NOL4L: variants seen among roughly 807,000 people sequenced by gnomAD.
The protein encoded by NOL4L is nucleolar protein 4-like.
In NOL4L, 7 loss-of-function variants were observed where a neutral mutation model predicts 64.5. The observed-to-expected ratio is 0.11, with a 90% CI of 0.06 to 0.20. The LOEUF is 0.20. Ranked by LOEUF, NOL4L falls within the 10% of genes least tolerant of loss-of-function variation. The probability of loss-of-function intolerance (pLI) is 1.00; values close to 1 mark genes in which losing one functional copy is unlikely to be tolerated. For synonymous variants in NOL4L, 413 were observed against 401.0 expected, an observed-to-expected ratio of 1.03 and a Z score of -0.36; for missense variants, 680 against 967.1, an observed-to-expected ratio of 0.70 and a Z score of 3.94.
intron 5 of NOL4L, 27 bp from the exon 6 acceptor site, chr20:32,456,422 C>T: frequency 6.9e-7 from 1 of 1,445,740 alleles, no homozygotes; most frequent in Non-Finnish European, 9.1e-7. Flanking sequence ...GGGTGTGAGG[C>T]CCCACCCAAG....
intron 6 of NOL4L, among the ~76,000 whole-genome samples, 192 bp downstream of exon 6, chr20:32,455,909 AGGGGGCCTGGCTTGGGG>A (rs1241465686): frequency 2.0e-5 from 3 of 152,168 alleles, no homozygotes; most frequent in Non-Finnish European, 4.4e-5. Context: ...GGCTCGGAGA[AGGGGGCCTGGCTTGGGG>A]GCACACTCCA....
At chr20:32,488,333 A>G (rs1038431845) in intron 4 of NOL4L, among the ~76,000 whole-genome samples, 1 of 152,174 alleles carries the variant, frequency 6.6e-6, no homozygotes, top group African/African-American at 2.4e-5. Context: ...TACCATCGCA[A>G]TGCACAGGGC....
At chr20:32,574,035 T>TCTTCCCA (rs2145622464) in intron 1 of NOL4L, 1 of 152,456 alleles carries the variant, frequency 6.6e-6, no homozygotes, top group African/African-American at 2.4e-5. Context: ...TTTTATGCCA[T>TCTTCCCA]CTTCCCAGCT....
At chr20:32,462,269 G>A (rs1600666514) in intron 5 of NOL4L, among the ~76,000 whole-genome samples, 1 of 152,220 alleles carries the variant, frequency 6.6e-6, no homozygotes, top group East Asian at 1.9e-4. Flanking sequence ...GGTTAGGCCG[G>A]CTAGAGGCAG....
chr20:32,494,820 A>G (rs2016623402), intron 4 of NOL4L, among the ~76,000 whole-genome samples: 1 of 152,218 alleles, frequency 6.6e-6, no homozygotes, highest in South Asian at 2.1e-4. Flanking sequence ...CCAACCCAAC[A>G]TTGCAAATGG....
chr20:32,474,329 T>A (rs975786469), intron 5 of NOL4L, among the ~76,000 whole-genome samples: 2 of 152,226 alleles, frequency 1.3e-5, no homozygotes, highest in African/African-American at 2.4e-5. Flanking sequence ...GCCCATGGCA[T>A]CCCGGCAACC....
intron 1 of NOL4L, among the ~76,000 whole-genome samples, chr20:32,582,475 G>A (rs34627022): frequency 0.31 from 47,079 of 151,794 alleles, 8,368 homozygotes; most frequent in East Asian, 0.75. Context: ...GGGAGGGGGT[G>A]CTCAGCCTCT....
chr20:32,552,558 A>G (rs1159865909), intron 1 of NOL4L, among the ~76,000 whole-genome samples: 3 of 151,990 alleles, frequency 2.0e-5, no homozygotes, highest in Non-Finnish European at 4.4e-5. Context: ...ATGGTGGTGG[A>G]CGCCTGTAAT....
chr20:32,497,458 G>T lies in NOL4L; in HGVS notation c.699+13889C>A, dbSNP rs181277044. On this transcript the variant is annotated intron_variant, in intron 4 of 10. Coordinates refer to ENST00000621426, the MANE Select transcript of NOL4L (RefSeq NM_001256798.2). ...TAGAAGGCTTGACAAAGCCATCAGG[G>T]GTCCCGCATTCAAAATAAAAAGCAA... 4.2e-3 allele frequency among the ~76,000 whole-genome samples: 633 copies of T among 152,210 alleles called. 5 individuals carry two copies. Among genetic ancestry groups the T allele is most frequent in the South Asian group, 0.022 (105 of 4,822 alleles).
At chr20:32,565,689 A>T (rs1202089922) in intron 1 of NOL4L, among the ~76,000 whole-genome samples, 2 of 152,176 alleles carry the variant, frequency 1.3e-5, no homozygotes, top group African/African-American at 4.8e-5. Context: ...AGAAGACTCA[A>T]GTGATAGGAC....
chr20:32,488,896 C>T lies in NOL4L; in HGVS notation c.700-14154G>A, dbSNP rs140843553. Among the ~76,000 whole-genome samples the T allele has an allele frequency of 1.5e-3, 179 of 116,570 alleles. 4 individuals are homozygous for T. In the East Asian group the frequency reaches 0.021, roughly 14 times the overall value. 76.5% of individuals were successfully genotyped at this position (116,570 alleles called of 152,430 possible). The stretch of plus-strand genomic sequence containing the variant: ...CTTTCTTTCTTTCTTTCTTTCTTTC[C>T]TCTCTCTTTCTTTCTTTCTGACTAA... On this transcript the variant is annotated intron_variant, in intron 4 of 10. Transcript: ENST00000621426.
At chr20:32,535,878 G>GTA in intron 1 of NOL4L, 1 of 985,530 alleles carries the variant, frequency 1.0e-6, no homozygotes, top group Non-Finnish European at 1.2e-6. Flanking sequence ...GGAGGGAGGA[G>GTA]TACTGTCCAG....
Position 32,573,339 on chromosome 20 carries a change from A to C in NOL4L, c.321+11231T>G, listed in dbSNP as rs1979884843. Among the ~76,000 whole-genome samples the C allele has an allele frequency of 2.6e-5, 4 of 152,150 alleles. No individual in the cohort carries two copies. In the South Asian group the frequency reaches 8.3e-4, roughly 32 times the overall value. On this transcript the variant is annotated intron_variant, in intron 1 of 10. Transcript: ENST00000621426. ...GCCTGGGTCCATTTTACAGATGAGAAAACTGTGGCTCAGAGAGGGGCAGCA... is the reference window on the plus strand; with the variant it reads ...GCCTGGGTCCATTTTACAGATGAGACAACTGTGGCTCAGAGAGGGGCAGCA...
At chr20:32,455,360 C>A (rs1217759061) in intron 6 of NOL4L, among the ~76,000 whole-genome samples, 1 of 152,238 alleles carries the variant, frequency 6.6e-6, no homozygotes, top group East Asian at 1.9e-4. Flanking sequence ...GCACTGAGCC[C>A]ATGGTACAGA....
In NOL4L at chr20:32,464,246, CG is replaced by C. The variant is rs2014350065; in HGVS notation, c.842-7852del. Among the ~76,000 whole-genome samples, 1 of 152,220 alleles carries C rather than the reference CG, an allele frequency of 6.6e-6. No individual in the cohort carries two copies. Among genetic ancestry groups the C allele is most frequent in the Admixed American group, 6.5e-5 (1 of 15,286 alleles). On this transcript the variant is annotated intron_variant, in intron 5 of 10. Coordinates refer to ENST00000621426, the MANE Select transcript of NOL4L (RefSeq NM_001256798.2). This position sits in a 1 kb window ranked among gnomAD's most constrained non-coding sequence, Gnocchi z 5.6. ...GGCCAGCGCCCAGGCTGTGTTTACACGATGCGTAGTTCCAAGGAGCACCAGG... is the reference window on the plus strand; with the variant it reads ...GGCCAGCGCCCAGGCTGTGTTTACACATGCGTAGTTCCAAGGAGCACCAGG...
intron 5 of NOL4L, among the ~76,000 whole-genome samples, chr20:32,462,126 C>T (rs925017917): frequency 4.6e-5 from 7 of 152,154 alleles, no homozygotes; most frequent in Admixed American, 3.3e-4. Context: ...TTGCTGGGCC[C>T]GTGGTGCAGG....
intron 1 of NOL4L, among the ~76,000 whole-genome samples, chr20:32,538,486 C>G (rs905966356): frequency 6.9e-6 from 1 of 145,728 alleles, no homozygotes; most frequent in Non-Finnish European, 1.5e-5. Flanking sequence ...TCCCTCCCTC[C>G]CTCCCTCCCT....
Position 32,447,212 on chromosome 20 carries a change from A to AAAT in NOL4L, c.*381_*383dup, listed in dbSNP as rs1416581824. ...AAGGGTCCACTTTGCTTTTCTCAATAAATATGCAATTCTGCTCACCTAAGA... is the reference window on the plus strand; with the variant it reads ...AAGGGTCCACTTTGCTTTTCTCAATAAATAATATGCAATTCTGCTCACCTAAGA... On this transcript the variant is annotated 3_prime_UTR_variant, in exon 11 of 11. Transcript: ENST00000621426. The AAAT allele has an allele frequency of 2.1e-6, 1 of 479,626 alleles. No individual in the cohort carries two copies. The highest frequency in any genetic ancestry group is 2.3e-5 in the Admixed American group (1 of 42,676). 29.7% of individuals were successfully genotyped at this position (479,626 alleles called of 1,614,324 possible).
At chr20:32,486,188 G>A (rs1340440249) in intron 4 of NOL4L, among the ~76,000 whole-genome samples, 3 of 152,190 alleles carry the variant, frequency 2.0e-5, no homozygotes, top group East Asian at 1.9e-4. Context: ...TACAGGAGCT[G>A]CCACTCCTGG....
Sources: allele counts gnomAD v4.1 joint callset (sites outside exome capture counted in the v4.1 genomes callset), GRCh38; gene constraint gnomAD v4.1.1; non-coding constraint Gnocchi (gnomAD v3.1); transcripts MANE v1.5; gene names NCBI Gene and HGNC (gene_info 2026-07-23, HGNC 2026-07-21).